YAF2: variants seen among roughly 807,000 people sequenced by gnomAD.
The protein encoded by YAF2 is YY1-associated factor 2.
Under a neutral mutation model 20.1 loss-of-function variants are expected in YAF2, and 7 were observed. The observed-to-expected ratio is 0.35, with a 90% CI of 0.20 to 0.65. The LOEUF is 0.65. Among genes scored for constraint, YAF2 ranks in the 30% least tolerant of loss-of-function variants. The probability of loss-of-function intolerance (pLI) is 0.69; values close to 1 mark genes in which losing one functional copy is unlikely to be tolerated. For missense variants in YAF2, 151 were observed against 219.2 expected, an observed-to-expected ratio of 0.69 and a Z score of 1.96; for synonymous variants, 74 against 76.0, an observed-to-expected ratio of 0.97 and a Z score of 0.14.
chr12:42,227,680 C>G (rs532259227), intron 2 of YAF2, among the ~76,000 whole-genome samples: 1 of 150,180 alleles, frequency 6.7e-6, no homozygotes, highest in African/African-American at 2.5e-5. Context: ...CCTCTCCGCC[C>G]GGCAGCCACC....
chr12:42,214,912 G>T (rs973921204), intron 2 of YAF2, among the ~76,000 whole-genome samples: 3 of 152,086 alleles, frequency 2.0e-5, no homozygotes, highest in Non-Finnish European at 2.9e-5. Context: ...GCTAAGGCAG[G>T]AGAATCGTTT....
intron 2 of YAF2, among the ~76,000 whole-genome samples, chr12:42,196,781 T>C (rs960079372): frequency 2.0e-5 from 3 of 152,184 alleles, no homozygotes; most frequent in Admixed American, 1.3e-4. Context: ...TGATAGCCAT[T>C]AAATTTCTTT....
intron 2 of YAF2, among the ~76,000 whole-genome samples, chr12:42,162,373 T>C (rs1250870321): frequency 1.3e-5 from 2 of 152,204 alleles, no homozygotes; most frequent in Non-Finnish European, 2.9e-5. Flanking sequence ...AGAAAATATT[T>C]ATTGAGGACC....
chr12:42,208,631 G>T (rs963114950), intron 2 of YAF2, among the ~76,000 whole-genome samples: 1 of 152,062 alleles, frequency 6.6e-6, no homozygotes, highest in African/African-American at 2.4e-5. Context: ...TAAATTCCAT[G>T]AATTAATAGT....
At chr12:42,232,679 A>G in intron 2 of YAF2, 1 of 985,426 alleles carries the variant, frequency 1.0e-6, no homozygotes, top group Non-Finnish European at 1.2e-6. Context: ...AGTCTAGAAG[A>G]ATCAGTGCCA....
Position 42,212,063 on chromosome 12 carries a change from C to T in YAF2, c.152+25536G>A, listed in dbSNP as rs563831243. Among the ~76,000 whole-genome samples the T allele has an allele frequency of 4.1e-4, 63 of 151,906 alleles. No individual in the cohort carries two copies. In the South Asian group the frequency reaches 0.012, roughly 30 times the overall value. ...AAAAAAAAAGTCTTTAACCATTTGT[C>T]ACCTATTGACACACCAAACACAAAC... On this transcript the variant is annotated intron_variant, in intron 2 of 3. Coordinates refer to ENST00000534854, the MANE Select transcript of YAF2 (RefSeq NM_005748.6).
At chr12:42,171,943 GAC>G (rs1375397792) in intron 2 of YAF2, among the ~76,000 whole-genome samples, 2 of 152,198 alleles carry the variant, frequency 1.3e-5, no homozygotes, top group Admixed American at 6.5e-5. Flanking sequence ...CAGAATGGGA[GAC>G]AGAGGGAGAC....
chr12:42,182,450 T>C, intron 2 of YAF2, among the ~76,000 whole-genome samples: 1 of 152,250 alleles, frequency 6.6e-6, no homozygotes, highest in Non-Finnish European at 1.5e-5. Flanking sequence ...ACTTCTGTTT[T>C]ATCACTTACA....
rs2065741792 is a variant in YAF2 at position 42,158,479 on chromosome 12, G to A, written c.*2110C>T. The A allele has an allele frequency of 6.6e-6, 1 of 152,152 alleles. No individual in the cohort carries two copies. Among genetic ancestry groups the A allele is most frequent in the Admixed American group, 6.5e-5 (1 of 15,270 alleles). 9.4% of individuals were successfully genotyped at this position (152,152 alleles called of 1,614,324 possible). A position where few individuals can be genotyped will look rare whatever the true frequency, so the allele number is the denominator to read the frequency against. On this transcript the variant is annotated 3_prime_UTR_variant, in exon 4 of 4. Transcript: ENST00000534854. ...TGACCAGTATGTGTCAGATAATTAA[G>A]AATTTTACACGGATTGACTTAATCC...
intron 2 of YAF2, among the ~76,000 whole-genome samples, chr12:42,174,539 C>T (rs781312211): frequency 3.3e-5 from 5 of 152,178 alleles, no homozygotes; most frequent in African/African-American, 7.2e-5. Context: ...CTCTTATCTA[C>T]GCTAACCCTC....
chr12:42,209,990 G>T (rs1247556871), intron 2 of YAF2, among the ~76,000 whole-genome samples: 1 of 152,100 alleles, frequency 6.6e-6, no homozygotes, highest in East Asian at 1.9e-4. Context: ...TAGAGACAGG[G>T]TTTCTCCATG....
intron 2 of YAF2, among the ~76,000 whole-genome samples, chr12:42,179,218 C>T (rs2066276212): frequency 6.6e-6 from 1 of 152,126 alleles, no homozygotes; most frequent in Non-Finnish European, 1.5e-5. Context: ...ACCTGTAATC[C>T]CAGCACTCTG....
At chr12:42,192,948 T>A (rs979231715) in intron 2 of YAF2, among the ~76,000 whole-genome samples, 3 of 152,192 alleles carry the variant, frequency 2.0e-5, no homozygotes, top group African/African-American at 7.2e-5. Context: ...TGTCATAACA[T>A]CACATAGTAC....
chr12:42,223,331 TACACAC>T (rs71434396), intron 2 of YAF2, among the ~76,000 whole-genome samples: 18 of 148,114 alleles, frequency 1.2e-4, no homozygotes, highest in African/African-American at 1.7e-4. Context: ...TTAAAATACA[TACACAC>T]ACACACACAC....
rs762889816 is a variant in YAF2, at chr12:42,238,205, G to A, written c.-25C>T. 2.6e-6 allele frequency: 4 copies of A among 1,510,822 alleles called. No individual in the cohort carries two copies. The highest frequency in any genetic ancestry group is 3.6e-6 in the Non-Finnish European group (4 of 1,125,920). 93.6% of individuals were successfully genotyped at this position (1,510,822 alleles called of 1,614,324 possible). Reference sequence around the variant, plus strand: ...TGGCTTGGCTATCACCGCACGCCGAGAGTCGCCGCCGCGACCGCTCTGTTT... The same window carrying A: ...TGGCTTGGCTATCACCGCACGCCGAAAGTCGCCGCCGCGACCGCTCTGTTT... On this transcript the variant is annotated 5_prime_UTR_variant, in exon 1 of 4. Coordinates refer to ENST00000534854, the MANE Select transcript of YAF2 (RefSeq NM_005748.6).
chr12:42,191,547 C>T (rs1036318386), intron 2 of YAF2, among the ~76,000 whole-genome samples: 3 of 152,068 alleles, frequency 2.0e-5, no homozygotes, highest in Admixed American at 6.6e-5. Flanking sequence ...GGCCTTTATA[C>T]TTTTAACAAG....
chr12:42,200,549 T>C (rs1032339787), intron 2 of YAF2, among the ~76,000 whole-genome samples: 2 of 152,204 alleles, frequency 1.3e-5, no homozygotes, highest in Admixed American at 1.3e-4. Context: ...AATAAGCACA[T>C]ACCTATATTC....
chr12:42,228,656 T>TGGG (rs71434397), intron 2 of YAF2, among the ~76,000 whole-genome samples: 5 of 18,170 alleles, frequency 2.8e-4, no homozygotes, highest in African/African-American at 1.3e-3. Context: ...GGGAGGGAGG[T>TGGG]GGGGGGGGGG....
chr12:42,202,513 C>T (rs1049644421), intron 2 of YAF2, among the ~76,000 whole-genome samples: 1 of 152,176 alleles, frequency 6.6e-6, no homozygotes, highest in Non-Finnish European at 1.5e-5. Flanking sequence ...TGAAATCATA[C>T]AATACGTAAT....
Sources: allele counts gnomAD v4.1 joint callset (sites outside exome capture counted in the v4.1 genomes callset), GRCh38; gene constraint gnomAD v4.1.1; transcripts MANE v1.5; gene names NCBI Gene and HGNC (gene_info 2026-07-23, HGNC 2026-07-21).